ADGRG7: variants seen among roughly 807,000 people sequenced by gnomAD.
The protein encoded by ADGRG7 is adhesion G protein-coupled receptor G7.
A neutral mutation model predicts 88.6 loss-of-function variants in ADGRG7; 82 were observed. The observed-to-expected ratio is 0.93, with a 90% CI of 0.77 to 1.11. ADGRG7 has a LOEUF of 1.11. Among genes scored for constraint, ADGRG7 ranks in the 50% most tolerant of loss-of-function variants. The pLI is 0.00. For synonymous variants in ADGRG7, 381 were observed against 345.2 expected (o/e 1.10, Z -1.15); for missense variants, 945 against 953.4 (o/e 0.99, Z 0.12).
At chr3:100,622,928 GT>G (rs76254299) in intron 1 of ADGRG7, among the ~76,000 whole-genome samples, 2,460 of 140,088 alleles carry the variant, frequency 0.018, 65 homozygotes, top group African/African-American at 0.059. Flanking sequence ...TTTTGTTTTT[GT>G]TTTTTTTTTT....
At chr3:100,634,180 T>C (rs975760412) in intron 4 of ADGRG7, among the ~76,000 whole-genome samples, 7 of 152,182 alleles carry the variant, frequency 4.6e-5, no homozygotes, top group Non-Finnish European at 1.0e-4. Context: ...CAAATGCACA[T>C]GCATGGAAGA....
Position 100,643,580 on chromosome 3 carries a change from G to A in ADGRG7, c.893G>A (p.Gly298Asp), listed in dbSNP as rs1707683933. 1 of 1,613,952 alleles carries A rather than the reference G, an allele frequency of 6.2e-7. No individual in the cohort carries two copies. Among genetic ancestry groups the A allele is most frequent in the African/African-American group, 1.3e-5 (1 of 74,992 alleles). ...ACATTTATACATACAAATGTGGATG[G>A]CCTTAACCCAGATGCACAGACTGAG... is the stretch of plus-strand genomic sequence containing the variant. The part of the protein sequence containing the change: ...SSTFIHTNVD[G>D]LNPDAQTELQ... Residue 298 changes from glycine (G) to aspartate (D), a missense_variant, in exon 8 of 16, where the codon GGC becomes GAC. Transcript: ENST00000273352.
At position 100,695,201 on chromosome 3, in the gene ADGRG7, T is replaced by C; in HGVS notation, c.*200T>C. 1 of 562,226 alleles carries C rather than the reference T, an allele frequency of 1.8e-6. No homozygotes were observed. The highest frequency in any genetic ancestry group is 3.1e-6 in the Non-Finnish European group (1 of 323,046). 34.8% of individuals were successfully genotyped at this position (562,226 alleles called of 1,614,324 possible). ...TTCTATTTTTCAATAGATTTGTACTTGAATAAGGTGAAGAATTTCACACAA... is the reference window on the plus strand; with the variant it reads ...TTCTATTTTTCAATAGATTTGTACTCGAATAAGGTGAAGAATTTCACACAA... On this transcript the variant is annotated 3_prime_UTR_variant, in exon 16 of 16. Coordinates refer to ENST00000273352, the MANE Select transcript of ADGRG7 (RefSeq NM_032787.3).
intron 2 of ADGRG7, among the ~76,000 whole-genome samples, chr3:100,630,330 A>G (rs1260391874): frequency 6.6e-6 from 1 of 152,140 alleles, no homozygotes; most frequent in Non-Finnish European, 1.5e-5. Context: ...CAGTCAATAT[A>G]TCCCACAGAT....
At chr3:100,660,709 T>C (rs976392097) in intron 14 of ADGRG7, among the ~76,000 whole-genome samples, 1 of 151,724 alleles carries the variant, frequency 6.6e-6, no homozygotes, top group Non-Finnish European at 1.5e-5. Flanking sequence ...TCCCAGAACT[T>C]TGGGAGGCGG....
At chr3:100,693,380 C>T (rs2094996986) in intron 15 of ADGRG7, among the ~76,000 whole-genome samples, 1 of 152,212 alleles carries the variant, frequency 6.6e-6, no homozygotes, top group Non-Finnish European at 1.5e-5. Flanking sequence ...CCTTCTGAAA[C>T]CTGTGTCTCC....
chr3:100,643,923 G>C (rs9843679), intron 8 of ADGRG7, among the ~76,000 whole-genome samples: 1,832 of 152,272 alleles, frequency 0.012, 35 homozygotes, highest in African/African-American at 0.041. Context: ...TGCTAAGGTG[G>C]TTCTGTTTTA....
rs1270919080 is a variant in ADGRG7 at position 100,635,499 on chromosome 3, G to T, written c.448-178G>T. On this transcript the variant is annotated intron_variant, in intron 4 of 15. Transcript: ENST00000273352. ...AACAGGAAAGGCTGGCAAAACCACTGGTCTGCATGTACTTTGTCCTTTACA... is the reference window on the plus strand; with the variant it reads ...AACAGGAAAGGCTGGCAAAACCACTTGTCTGCATGTACTTTGTCCTTTACA... 2.5e-5 allele frequency: 34 copies of T among 1,370,338 alleles called. 1 individual carries two copies. In the South Asian group the frequency reaches 4.2e-4, roughly 17 times the overall value. The allele number at this position is 1,370,338 out of a possible 1,614,324, so 84.9% of individuals were successfully genotyped here. A position where few individuals can be genotyped will look rare whatever the true frequency, so the allele number is the denominator to read the frequency against.
intron 5 of ADGRG7, 64 bp downstream of exon 5, chr3:100,635,890 AAG>A: frequency 8.2e-7 from 1 of 1,212,440 alleles, no homozygotes; most frequent in Non-Finnish European, 1.2e-6. Context: ...TTGGGAAAGA[AAG>A]AGAGATGTCC....
At chr3:100,673,307 G>C (rs1178932428) in intron 15 of ADGRG7, among the ~76,000 whole-genome samples, 3 of 152,052 alleles carry the variant, frequency 2.0e-5, no homozygotes, top group African/African-American at 7.2e-5. Flanking sequence ...GGGTGTATGT[G>C]TCCAGGAATT....
rs6800232 is a variant in ADGRG7, at chr3:100,610,482, C to A, written c.115+511C>A. On this transcript the variant is annotated intron_variant, in intron 1 of 15. Transcript: ENST00000273352. The stretch of plus-strand genomic sequence containing the variant: ...GGTTTGCATACAAATTTCCCACTTT[C>A]CAGATGTAGGAAACTAATCAAAAAT... 5.2e-3 allele frequency among the ~76,000 whole-genome samples: 787 copies of A among 152,318 alleles called. 10 individuals carry two copies. Among genetic ancestry groups the A allele is most frequent in the African/African-American group, 0.018 (754 of 41,572 alleles).
Position 100,668,951 on chromosome 3 carries a change from CA to C in ADGRG7, c.1989del (p.Val664PhefsTer4), listed in dbSNP as rs746519567. The C allele has an allele frequency of 7.6e-6, 12 of 1,577,956 alleles. No individual in the cohort carries two copies. Among genetic ancestry groups the C allele is most frequent in the South Asian group, 1.2e-5 (1 of 82,490 alleles). ...LWKNNQNLTS[T>X]KKVSSMKKIV... ...TTTTCTTGTTTTCTTTCACCTAGCA[CA>C]AAAAAAGTTTCATCCATGAAGAAGA... On this transcript the variant is annotated frameshift_variant, in exon 15 of 16. Coordinates refer to ENST00000273352, the MANE Select transcript of ADGRG7 (RefSeq NM_032787.3). LOFTEE classifies it high-confidence loss of function.
At position 100,643,423 on chromosome 3, in the gene ADGRG7, T is replaced by G. The variant is rs1305041438; in HGVS notation, c.838+18T>G. The G allele has an allele frequency of 3.7e-6, 6 of 1,613,538 alleles. No homozygotes were observed. Among genetic ancestry groups the G allele is most frequent in the Non-Finnish European group, 5.1e-6 (6 of 1,179,694 alleles). On this transcript the variant is annotated intron_variant, in intron 7 of 15. Coordinates refer to ENST00000273352, the MANE Select transcript of ADGRG7 (RefSeq NM_032787.3). ...GCAGAAAGGTGAGCTGTTAATCTTA[T>G]GTGCTTGTAACAGCAAAGAGCATTC...
At chr3:100,632,259 T>C (rs1707468592) in intron 3 of ADGRG7, among the ~76,000 whole-genome samples, 1 of 152,142 alleles carries the variant, frequency 6.6e-6, no homozygotes, top group Non-Finnish European at 1.5e-5. Flanking sequence ...TGGTTATTAA[T>C]TTTTCTTTTC....
At position 100,654,950 on chromosome 3, in the gene ADGRG7, A is replaced by G; in HGVS notation, c.1495A>G (p.Ser499Gly). 2 of 1,614,088 alleles carry G rather than the reference A, an allele frequency of 1.2e-6. No homozygotes were observed. Among genetic ancestry groups the G allele is most frequent in the Non-Finnish European group, 1.7e-6 (2 of 1,179,948 alleles). Residue 499 changes from serine to glycine, a missense_variant, in exon 12 of 16, where the codon AGT becomes GGT. By Grantham distance (56) the Ser-to-Gly change is moderately conservative. Transcript: ENST00000273352. ...IENSNKNLQT[S>G]DGDINNIDFD... ...AAACTCCAATAAGAACTTGCAGACA[A>G]GTGATGGTGACATCAATAATATTGA...
chr3:100,619,585 C>T (rs1360245034), intron 1 of ADGRG7, among the ~76,000 whole-genome samples: 3 of 151,942 alleles, frequency 2.0e-5, no homozygotes, highest in East Asian at 3.9e-4. Context: ...AATAAAGACA[C>T]AAAAAACCCT....
intron 6 of ADGRG7, among the ~76,000 whole-genome samples, chr3:100,639,511 A>G (rs1391270499): frequency 1.3e-5 from 2 of 152,192 alleles, no homozygotes; most frequent in Non-Finnish European, 2.9e-5. Flanking sequence ...TCAGATTTCA[A>G]TAGGAGTCTG....
chr3:100,646,008 T>C lies in ADGRG7; in HGVS notation c.1010T>C (p.Phe337Ser). 1 of 1,614,090 alleles carries C rather than the reference T, an allele frequency of 6.2e-7. No homozygotes were observed. The highest frequency in any genetic ancestry group is 1.3e-5 in the African/African-American group (1 of 75,050). The change falls in exon 9 of 16, where the codon TTT (phenylalanine) becomes TCT (serine). Residue 337 changes from phenylalanine to serine, a missense_variant. By Grantham distance (155) the Phe-to-Ser change is radical. Coordinates refer to ENST00000273352, the MANE Select transcript of ADGRG7 (RefSeq NM_032787.3). ...QNDKLFQSKTFTAKSDFSQKI... is the reference protein window; with the variant it reads ...QNDKLFQSKTSTAKSDFSQKI... Reference sequence around the variant, plus strand: ...GACAAGCTTTTCCAATCAAAAACTTTTACAGCTAAATCGGATTTTAGTCAA... The same window carrying C: ...GACAAGCTTTTCCAATCAAAAACTTCTACAGCTAAATCGGATTTTAGTCAA...
At chr3:100,691,472 G>T (rs1278177271) in intron 15 of ADGRG7, among the ~76,000 whole-genome samples, 1 of 152,084 alleles carries the variant, frequency 6.6e-6, no homozygotes, top group South Asian at 2.1e-4. Flanking sequence ...GGGAGCTGTA[G>T]ACTGGAGCTG....
Sources: allele counts gnomAD v4.1 joint callset (sites outside exome capture counted in the v4.1 genomes callset), GRCh38; gene constraint gnomAD v4.1.1; transcripts MANE v1.5; gene names NCBI Gene and HGNC (gene_info 2026-07-23, HGNC 2026-07-21).